The following SDC2 variants were observed in gnomAD, a reference collection of about 807,000 sequenced individuals.
SDC2 encodes syndecan 2.
A neutral mutation model predicts 22.2 loss-of-function variants in SDC2; 13 were observed. That is an observed-to-expected ratio of 0.59 (90% confidence interval 0.38 to 0.93). SDC2 has a LOEUF of 0.93. Ranked by LOEUF, SDC2 falls within the 40% of genes least tolerant of loss-of-function variation. The pLI is 0.00. For synonymous variants in SDC2, 94 were observed against 92.8 expected (o/e 1.01, Z -0.07); for missense variants, 235 against 246.8 (o/e 0.95, Z 0.32).
intron 3 of SDC2, among the ~76,000 whole-genome samples, chr8:96,607,883 G>A (rs1465137651): frequency 6.6e-6 from 1 of 152,138 alleles, no homozygotes; most frequent in East Asian, 1.9e-4. Context: ...GACAGGAAAA[G>A]CCCAGTCAGG....
At chr8:96,576,374 G>GTTGTTTT (rs1554604663) in intron 1 of SDC2, among the ~76,000 whole-genome samples, 1 of 40,632 alleles carries the variant, frequency 2.5e-5, no homozygotes, top group Non-Finnish European at 4.8e-5. Flanking sequence ...GTTTGTTTTT[G>GTTGTTTT]TTTTGTTTTG....
At chr8:96,588,997 G>A (rs1000871506) in intron 1 of SDC2, among the ~76,000 whole-genome samples, 1 of 152,120 alleles carries the variant, frequency 6.6e-6, no homozygotes, top group Non-Finnish European at 1.5e-5. Flanking sequence ...AATTGTCTTC[G>A]CTGAGAAAAT....
chr8:96,587,848 C>A (rs1256190470), intron 1 of SDC2, among the ~76,000 whole-genome samples: 1 of 151,938 alleles, frequency 6.6e-6, no homozygotes, highest in African/African-American at 2.4e-5. Flanking sequence ...GTGTGAATCA[C>A]AGGAAAAGGG....
Position 96,610,383 on chromosome 8 carries a change from G to C in SDC2, c.*835G>C, listed in dbSNP as rs988277653. The C allele has an allele frequency of 1.3e-5, 2 of 152,530 alleles. No homozygotes were observed. Among genetic ancestry groups the C allele is most frequent in the Non-Finnish European group, 2.9e-5 (2 of 68,022 alleles). 9.4% of individuals were successfully genotyped at this position (152,530 alleles called of 1,614,324 possible). A position where few individuals can be genotyped will look rare whatever the true frequency, so the allele number is the denominator to read the frequency against. ...CTTGCAATTTGAAGGTACGAGTAGA[G>C]GTTTAAAGAAAAATCAGTTTTTGTT... On this transcript the variant is annotated 3_prime_UTR_variant, in exon 5 of 5. Coordinates refer to ENST00000302190, the MANE Select transcript of SDC2 (RefSeq NM_002998.4).
intron 1 of SDC2, among the ~76,000 whole-genome samples, chr8:96,574,352 C>T (rs1814452131): frequency 6.6e-6 from 1 of 152,174 alleles, no homozygotes. Flanking sequence ...GTCACCAAAA[C>T]ATCTGCTTTA....
At chr8:96,507,425 C>A (rs1017663774) in intron 1 of SDC2, among the ~76,000 whole-genome samples, 6 of 152,230 alleles carry the variant, frequency 3.9e-5, no homozygotes, top group South Asian at 4.1e-4. Flanking sequence ...GTGCAGAATC[C>A]TTTGGTGTTT....
At chr8:96,530,679 C>T (rs541308238) in intron 1 of SDC2, among the ~76,000 whole-genome samples, 20 of 152,140 alleles carry the variant, frequency 1.3e-4, no homozygotes, top group Admixed American at 1.0e-3. Context: ...ATATAAGTTA[C>T]TTTCTTTATA....
At chr8:96,593,839 AGTT>A (rs1310175716) in intron 2 of SDC2, among the ~76,000 whole-genome samples, 1 of 152,216 alleles carries the variant, frequency 6.6e-6, no homozygotes, top group Non-Finnish European at 1.5e-5. Flanking sequence ...CTTACCATAG[AGTT>A]GTTGTGAGGA....
intron 2 of SDC2, 33 bp from the exon 3 acceptor site, chr8:96,602,362 C>T: frequency 6.2e-7 from 1 of 1,608,912 alleles, no homozygotes; most frequent in African/African-American, 1.3e-5. Context: ...GTCATGATTG[C>T]CATGCTCAGT....
At chr8:96,503,791 C>A (rs1813200677) in intron 1 of SDC2, among the ~76,000 whole-genome samples, 1 of 152,080 alleles carries the variant, frequency 6.6e-6, no homozygotes, top group Non-Finnish European at 1.5e-5. Flanking sequence ...TTCTGCTGAT[C>A]CTTCAGAGAA....
At chr8:96,601,396 C>T (rs1356163571) in intron 2 of SDC2, among the ~76,000 whole-genome samples, 2 of 152,092 alleles carry the variant, frequency 1.3e-5, no homozygotes, top group African/African-American at 4.8e-5. Flanking sequence ...AATCCCAGAA[C>T]TTTGGGAGGC....
intron 1 of SDC2, among the ~76,000 whole-genome samples, chr8:96,537,838 G>A (rs944664495): frequency 1.3e-5 from 2 of 152,208 alleles, no homozygotes; most frequent in African/African-American, 2.4e-5. Context: ...TTATTGACAA[G>A]TGACTCCTGA....
intron 1 of SDC2, among the ~76,000 whole-genome samples, chr8:96,499,112 C>G (rs1185252283): frequency 1.3e-5 from 2 of 152,238 alleles, no homozygotes; most frequent in Non-Finnish European, 2.9e-5. Flanking sequence ...TCTCCCAGCC[C>G]TGGCCCATTG....
chr8:96,578,685 C>G lies in SDC2; in HGVS notation c.61-14795C>G, dbSNP rs181211734. Among the ~76,000 whole-genome samples, 107 of 152,308 alleles carry G rather than the reference C, an allele frequency of 7.0e-4. 1 individual carries two copies. Among genetic ancestry groups the G allele is most frequent in the African/African-American group, 2.5e-3 (105 of 41,562 alleles). On this transcript the variant is annotated intron_variant, in intron 1 of 4. Coordinates refer to ENST00000302190, the MANE Select transcript of SDC2 (RefSeq NM_002998.4). ...AGGCCAGTGAAGCTGTGAAATGCCC[C>G]CTGTGTGACAGCCCCAGGCGGCATG... is the stretch of plus-strand genomic sequence containing the variant.
chr8:96,506,109 T>G (rs1418387499), intron 1 of SDC2, among the ~76,000 whole-genome samples: 2 of 152,228 alleles, frequency 1.3e-5, no homozygotes, highest in Non-Finnish European at 2.9e-5. Flanking sequence ...AAACCTTCCT[T>G]GAAGTGGCAC....
intron 1 of SDC2, among the ~76,000 whole-genome samples, chr8:96,554,192 C>A (rs1174544408): frequency 6.6e-6 from 1 of 151,996 alleles, no homozygotes; most frequent in Non-Finnish European, 1.5e-5. Flanking sequence ...GGATTTATGC[C>A]AGATACATGT....
chr8:96,594,118 A>T (rs1333490553), intron 2 of SDC2, among the ~76,000 whole-genome samples: 2 of 152,210 alleles, frequency 1.3e-5, no homozygotes, highest in African/African-American at 4.8e-5. Context: ...ATGTAGTGAC[A>T]TGATCAGATT....
chr8:96,572,812 A>C (rs1474286912), intron 1 of SDC2, among the ~76,000 whole-genome samples: 1 of 152,096 alleles, frequency 6.6e-6, no homozygotes, highest in Non-Finnish European at 1.5e-5. Flanking sequence ...ATACTTTCTT[A>C]CCCCAAGGAA....
At position 96,540,834 on chromosome 8, in the gene SDC2, C is replaced by T. The variant is rs552794979; in HGVS notation, c.60+46503C>T. Among the ~76,000 whole-genome samples the T allele has an allele frequency of 6.6e-5, 10 of 152,188 alleles. No individual in the cohort carries two copies. The East Asian group carries it at 1.9e-3, about 29-fold the overall frequency. On this transcript the variant is annotated intron_variant, in intron 1 of 4. Coordinates refer to ENST00000302190, the MANE Select transcript of SDC2 (RefSeq NM_002998.4). ...AGCTGATAAGAGCAAGGAAGTTTAC[C>T]AGAAAAATTTCAGTTCACATAGGGC...
Sources: allele counts gnomAD v4.1 joint callset (sites outside exome capture counted in the v4.1 genomes callset), GRCh38; gene constraint gnomAD v4.1.1; transcripts MANE v1.5; gene names NCBI Gene and HGNC (gene_info 2026-07-23, HGNC 2026-07-21).